PDE1C: variants seen among roughly 807,000 people sequenced by gnomAD.
The protein encoded by PDE1C is phosphodiesterase 1C, also known as dual specificity calcium/calmodulin-dependent 3',5'-cyclic nucleotide phosphodiesterase 1C.
In PDE1C, 62 loss-of-function variants were observed where a neutral mutation model predicts 93.1. That is an observed-to-expected ratio of 0.67 (90% CI 0.54 to 0.82). The LOEUF (loss-of-function observed/expected upper bound fraction) is 0.82, where lower values mean the gene tolerates loss of function less well. Among genes scored for constraint, PDE1C ranks in the 40% least tolerant of loss-of-function variants. The pLI is 0.00. For synonymous variants in PDE1C, 325 were observed against 310.1 expected, an observed-to-expected ratio of 1.05 and a Z score of -0.50; for missense variants, 742 against 884.6, an observed-to-expected ratio of 0.84 and a Z score of 2.04.
At chr7:31,943,645 T>A (rs1806159760) in intron 2 of PDE1C, among the ~76,000 whole-genome samples, 1 of 152,166 alleles carries the variant, frequency 6.6e-6, no homozygotes, top group Admixed American at 6.5e-5. Context: ...CAATGACTAA[T>A]TCTTCAAAGG....
chr7:31,946,073 T>C (rs59057267), intron 2 of PDE1C, among the ~76,000 whole-genome samples: 10,234 of 152,242 alleles, frequency 0.067, 594 homozygotes, highest in African/African-American at 0.16. Context: ...TTATTGCATG[T>C]TGTCTACTTT....
At chr7:32,411,959 A>G (rs930634291) in intron 1 of PDE1C, among the ~76,000 whole-genome samples, 7 of 152,106 alleles carry the variant, frequency 4.6e-5, no homozygotes, top group African/African-American at 1.7e-4. Context: ...CGCAGGGTCA[A>G]GATCATCAAC....
At chr7:32,247,389 A>G (rs1019025178) in intron 1 of PDE1C, among the ~76,000 whole-genome samples, 1 of 148,274 alleles carries the variant, frequency 6.7e-6, no homozygotes, top group African/African-American at 2.5e-5. Context: ...GGAATGATAC[A>G]TGGCAAATTC....
intron 2 of PDE1C, among the ~76,000 whole-genome samples, chr7:32,206,419 A>G (rs1805535835): frequency 6.6e-6 from 1 of 152,120 alleles, no homozygotes; most frequent in South Asian, 2.1e-4. Flanking sequence ...TAAAACAGAC[A>G]TGTCTAGAGA....
chr7:31,969,772 G>C (rs891253069), intron 2 of PDE1C, among the ~76,000 whole-genome samples: 7 of 152,194 alleles, frequency 4.6e-5, no homozygotes, highest in Non-Finnish European at 8.8e-5. Context: ...ACTGGATTAA[G>C]AAAATGTGGC....
chr7:31,676,987 T>G, the PDE1C span, among the ~76,000 whole-genome samples: 102 of 152,354 alleles, frequency 6.7e-4, no homozygotes, highest in Non-Finnish European at 2.8e-4. Context: ...AAGAATGTCC[T>G]GATTTGGTAA....
At chr7:32,366,010 T>C (rs1427352195) in intron 1 of PDE1C, among the ~76,000 whole-genome samples, 1 of 151,798 alleles carries the variant, frequency 6.6e-6, no homozygotes, top group East Asian at 1.9e-4. Flanking sequence ...TAGAGACCCA[T>C]CAAACATGAA....
chr7:32,201,509 T>G (rs1805011719), intron 2 of PDE1C, among the ~76,000 whole-genome samples: 1 of 152,160 alleles, frequency 6.6e-6, no homozygotes. Flanking sequence ...TGGTCTGCAT[T>G]TAGGCAAATA....
chr7:32,097,883 A>G (rs546622315), intron 3 of PDE1C, among the ~76,000 whole-genome samples: 26 of 152,288 alleles, frequency 1.7e-4, no homozygotes, highest in African/African-American at 5.5e-4. Context: ...CAAGATAAGG[A>G]AAGGTGCTAA....
chr7:31,850,223 G>A (rs1793162428), intron 8 of PDE1C, among the ~76,000 whole-genome samples: 2 of 152,182 alleles, frequency 1.3e-5, no homozygotes, highest in South Asian at 4.2e-4. Context: ...GAATCTCAGA[G>A]ATCAGAGGGT....
At chr7:31,661,069 A>G in the PDE1C span, among the ~76,000 whole-genome samples, 1 of 148,908 alleles carries the variant, frequency 6.7e-6, no homozygotes, top group Non-Finnish European at 1.5e-5. Context: ...GAGAAAAGGT[A>G]ATATCAATAA....
intron 1 of PDE1C, among the ~76,000 whole-genome samples, chr7:32,419,022 G>A (rs1158737098): frequency 6.6e-6 from 1 of 152,158 alleles, no homozygotes. Flanking sequence ...CATCAGTAAG[G>A]GAGCCCAGTA....
At chr7:32,214,148 T>C (rs1432252087) in intron 1 of PDE1C, among the ~76,000 whole-genome samples, 1 of 152,092 alleles carries the variant, frequency 6.6e-6, no homozygotes, top group Admixed American at 6.6e-5. Flanking sequence ...GTATAAATGT[T>C]TATACTATTT....
At chr7:32,291,216 C>T (rs1317276938) in intron 1 of PDE1C, among the ~76,000 whole-genome samples, 1 of 152,138 alleles carries the variant, frequency 6.6e-6, no homozygotes, top group African/African-American at 2.4e-5. Context: ...AAAATTCAAC[C>T]AAGGCAGTCA....
intron 3 of PDE1C, among the ~76,000 whole-genome samples, chr7:32,090,255 T>C (rs2392018): frequency 0.63 from 95,745 of 152,040 alleles, 30,453 homozygotes; most frequent in African/African-American, 0.71. Flanking sequence ...AATCAGAGCA[T>C]AGAATTATGC....
At chr7:32,325,978 T>G (rs1562674938) in intron 1 of PDE1C, among the ~76,000 whole-genome samples, 2 of 151,948 alleles carry the variant, frequency 1.3e-5, no homozygotes, top group Non-Finnish European at 2.9e-5. Flanking sequence ...GTGGAGGTGG[T>G]TGGAAGTAGT....
intron 1 of PDE1C, among the ~76,000 whole-genome samples, chr7:32,366,754 A>G (rs1482655740): frequency 2.0e-5 from 3 of 152,164 alleles, no homozygotes; most frequent in African/African-American, 7.2e-5. Flanking sequence ...AGGAGAGAAC[A>G]GGATGATATA....
At chr7:31,616,861 C>G in the PDE1C span, among the ~76,000 whole-genome samples, 488 of 151,550 alleles carry the variant, frequency 3.2e-3, 2 homozygotes, top group South Asian at 0.021. Context: ...CCTCTCTTAA[C>G]AGATACCAGA....
chr7:31,737,395 A>G, the PDE1C span, among the ~76,000 whole-genome samples: 151,177 of 152,320 alleles, frequency 0.99, 75,027 homozygotes, highest in East Asian at 1. Flanking sequence ...TTCTTTTGAA[A>G]CCCAGAATCA....
Sources: gnomAD v4.1 joint callset for allele counts (sites outside exome capture counted in the v4.1 genomes callset) on GRCh38, gnomAD v4.1.1 for gene constraint, MANE v1.5 for transcripts, NCBI Gene and HGNC (gene_info 2026-07-23, HGNC 2026-07-21) for gene names.